FYCO1: variants seen among roughly 807,000 people sequenced by gnomAD.
FYCO1 encodes FYVE and coiled-coil domain-containing protein 1.
Under a neutral mutation model 165.1 loss-of-function variants are expected in FYCO1, and 122 were observed. That is an observed-to-expected ratio of 0.74 (90% confidence interval 0.64 to 0.86). FYCO1 has a LOEUF of 0.86. Among genes scored for constraint, FYCO1 ranks in the 40% least tolerant of loss-of-function variants. The pLI, the probability that FYCO1 is intolerant of heterozygous loss-of-function variation, is 0.00. For missense variants in FYCO1, 1,702 were observed against 1,810.3 expected, an observed-to-expected ratio of 0.94 and a Z score of 1.09; for synonymous variants, 648 against 742.5, an observed-to-expected ratio of 0.87 and a Z score of 2.07.
chr3:45,926,875 A>C (rs1409224012), intron 16 of FYCO1, among the ~76,000 whole-genome samples: 1 of 152,060 alleles, frequency 6.6e-6, no homozygotes, highest in Non-Finnish European at 1.5e-5. Flanking sequence ...GAGGCAGGAG[A>C]ATCGCTTGAA....
chr3:45,974,362 G>A (rs1285999493), intron 5 of FYCO1, among the ~76,000 whole-genome samples: 1 of 152,174 alleles, frequency 6.6e-6, no homozygotes, highest in East Asian at 1.9e-4. Flanking sequence ...AAAAAAGTGG[G>A]ACATTATTGT....
rs746641696 is a variant in FYCO1, at chr3:45,975,354, A to C, written c.289-9T>G. 1 of 1,605,120 alleles carries C rather than the reference A, an allele frequency of 6.2e-7. No individual in the cohort carries two copies. The highest frequency in any genetic ancestry group is 8.5e-7 in the Non-Finnish European group (1 of 1,171,802). On this transcript the variant is annotated splice_polypyrimidine_tract_variant and intron_variant, in intron 4 of 17. Transcript: ENST00000296137. Reference sequence around the variant, plus strand: ...CCCAAGGATGTTCGGAGCTGGAAAAAGCAGATTACATAGAGCCAAAGAGCT... The same window carrying C: ...CCCAAGGATGTTCGGAGCTGGAAAACGCAGATTACATAGAGCCAAAGAGCT...
In FYCO1 at chr3:45,967,845, G is replaced by T; in HGVS notation, c.1489C>A (p.Gln497Lys). Residue 497 changes from glutamine (Q) to lysine (K), a missense_variant, in exon 8 of 18, where the codon CAA becomes AAA. Physicochemically the swap from Gln to Lys is moderately conservative, Grantham distance 53. Transcript: ENST00000296137. The stretch of plus-strand genomic sequence containing the variant: ...TCCAGCAGCTCCTTCTCCTCCTGTT[G>T]CTGTTTTTTCTCCCGCCTCAACTCT... ...LAELRREKKQ[Q>K]QEEKELLEQE... The T allele has an allele frequency of 6.2e-7, 1 of 1,614,040 alleles. No individual in the cohort carries two copies. The highest frequency in any genetic ancestry group is 8.5e-7 in the Non-Finnish European group (1 of 1,180,024).
chr3:45,921,243 C>A lies in FYCO1; in HGVS notation c.*522G>T. On this transcript the variant is annotated 3_prime_UTR_variant, in exon 18 of 18. Coordinates refer to ENST00000296137, the MANE Select transcript of FYCO1 (RefSeq NM_024513.4). The stretch of plus-strand genomic sequence containing the variant: ...GCTGGTCAGGATCTCCGGGGGGTCC[C>A]CTGGCACCGACTCGCATGATGGCTG... The A allele has an allele frequency of 4.9e-6, 1 of 202,464 alleles. No individual in the cohort carries two copies. Among genetic ancestry groups the A allele is most frequent in the Non-Finnish European group, 1.0e-5 (1 of 98,230 alleles). The allele number at this position is 202,464 out of a possible 1,614,324, so 12.5% of individuals were successfully genotyped here. A position where few individuals can be genotyped will look rare whatever the true frequency, so the allele number is the denominator to read the frequency against.
At chr3:45,986,500 A>G (rs1436794871) in intron 1 of FYCO1, among the ~76,000 whole-genome samples, 1 of 152,218 alleles carries the variant, frequency 6.6e-6, no homozygotes, top group Non-Finnish European at 1.5e-5. Context: ...GGGCAGAGAT[A>G]ACTAGAGCCT....
Position 45,955,391 on chromosome 3 carries a change from C to T in FYCO1, c.3802G>A (p.Ala1268Thr), listed in dbSNP as rs1575356999. 4.3e-6 allele frequency: 7 copies of T among 1,614,168 alleles called. No individual in the cohort carries two copies. Among genetic ancestry groups the T allele is most frequent in the East Asian group, 2.2e-5 (1 of 44,882 alleles). The change falls in exon 14 of 18, where the codon GCA (alanine) becomes ACA (threonine). Residue 1268 changes from alanine to threonine, a missense_variant and splice_region_variant. Physicochemically the swap from Ala to Thr is moderately conservative, Grantham distance 58. Transcript: ENST00000296137. ...TCCGGTGGCCTGTAGTCTGTATTTGCTCCTGGGCAGCAGAGGCAGATCAGG... is the reference window on the plus strand; with the variant it reads ...TCCGGTGGCCTGTAGTCTGTATTTGTTCCTGGGCAGCAGAGGCAGATCAGG... ...PGPQATGGQG[A>T]NTDYRPPDDA...
chr3:45,979,191 T>C, intron 4 of FYCO1, among the ~76,000 whole-genome samples: 1 of 152,200 alleles, frequency 6.6e-6, no homozygotes, highest in South Asian at 2.1e-4. Context: ...AGCAAAGCCA[T>C]GGCATTTTGC....
intron 7 of FYCO1, 27 bp from the exon 8 acceptor site, chr3:45,968,730 T>G (rs779716651): frequency 1.2e-6 from 2 of 1,613,942 alleles, no homozygotes; most frequent in African/African-American, 2.7e-5. Flanking sequence ...AAAAGACAAG[T>G]GGCTTTAGGA....
intron 13 of FYCO1, among the ~76,000 whole-genome samples, chr3:45,957,892 C>G (rs1705437669): frequency 6.6e-6 from 1 of 152,256 alleles, no homozygotes; most frequent in Admixed American, 6.5e-5. Flanking sequence ...CCCGGAAGGG[C>G]AGCCCAGGCC....
At chr3:45,938,983 C>G (rs1247828391) in intron 14 of FYCO1, among the ~76,000 whole-genome samples, 1 of 152,212 alleles carries the variant, frequency 6.6e-6, no homozygotes, top group African/African-American at 2.4e-5. Context: ...ACTACAGCTG[C>G]TTCCTTTCCT....
At chr3:45,931,331 T>C (rs1703615494) in intron 15 of FYCO1, 50 bp from the exon 16 acceptor site, 3 of 1,560,686 alleles carry the variant, frequency 1.9e-6, no homozygotes, top group Non-Finnish European at 1.8e-6. Context: ...AAAGTGTTTG[T>C]GTCCACTGGC....
chr3:45,937,141 G>C (rs150032603), intron 14 of FYCO1, among the ~76,000 whole-genome samples: 1 of 152,302 alleles, frequency 6.6e-6, no homozygotes, highest in African/African-American at 2.4e-5. Context: ...TCCCTGTGGG[G>C]TTCCAGGTCC....
At chr3:45,950,238 G>T (rs1704921567) in intron 14 of FYCO1, among the ~76,000 whole-genome samples, 1 of 151,644 alleles carries the variant, frequency 6.6e-6, no homozygotes, top group African/African-American at 2.4e-5. Context: ...CCTTGGTGTG[G>T]CCTCAGGGTT....
intron 17 of FYCO1, among the ~76,000 whole-genome samples, chr3:45,922,897 T>C (rs11707672): frequency 0.083 from 12,573 of 152,254 alleles, 713 homozygotes; most frequent in Non-Finnish European, 0.12. Flanking sequence ...GGCAGTTCTC[T>C]CTAAAGAGCT....
At chr3:45,938,136 C>T in intron 14 of FYCO1, 2 of 1,013,112 alleles carry the variant, frequency 2.0e-6, no homozygotes, top group Non-Finnish European at 2.7e-6. Flanking sequence ...TCTATAATTT[C>T]CTCTCTTCCT....
chr3:45,990,663 T>C (rs1350317692), intron 1 of FYCO1, among the ~76,000 whole-genome samples: 1 of 152,224 alleles, frequency 6.6e-6, no homozygotes, highest in East Asian at 1.9e-4. Flanking sequence ...AATGAATGAA[T>C]GAATTAGACA....
rs1706308915 is a variant in FYCO1, at chr3:45,969,682, T to TAGCTGCTCACCA, written c.611_622dup (p.Leu204_Ser207dup). The TAGCTGCTCACCA allele has an allele frequency of 6.2e-7, 1 of 1,613,240 alleles. No homozygotes were observed. ...CAGCCTTCCTGGCCTTACCTGCAGG[T>TAGCTGCTCACCA]AGCTGCTCACCAAGCTGCTCATGCT... On this transcript the variant is annotated inframe_insertion, in exon 7 of 18. Coordinates refer to ENST00000296137, the MANE Select transcript of FYCO1 (RefSeq NM_024513.4).
chr3:45,987,563 A>G (rs1455322282), intron 1 of FYCO1, among the ~76,000 whole-genome samples: 2 of 152,224 alleles, frequency 1.3e-5, no homozygotes, highest in African/African-American at 4.8e-5. Context: ...ACACAAGAGT[A>G]AAGGCTGTTT....
Position 45,918,074 on chromosome 3 carries a change from T to C in FYCO1, c.*3691A>G, listed in dbSNP as rs1322082910. 6.6e-6 allele frequency: 1 copy of C among 152,598 alleles called. No individual in the cohort carries two copies. Among genetic ancestry groups the C allele is most frequent in the Admixed American group, 6.5e-5 (1 of 15,288 alleles). 9.5% of individuals were successfully genotyped at this position (152,598 alleles called of 1,614,324 possible). A position where few individuals can be genotyped will look rare whatever the true frequency, so the allele number is the denominator to read the frequency against. On this transcript the variant is annotated 3_prime_UTR_variant, in exon 18 of 18. Transcript: ENST00000296137. ...TGCTTCTAGATAATTCTTTGGCAGA[T>C]AAGAATGAATTGGGGTCCCAGACCC...
Sources: gnomAD v4.1 joint callset for allele counts (sites outside exome capture counted in the v4.1 genomes callset) on GRCh38, gnomAD v4.1.1 for gene constraint, MANE v1.5 for transcripts, NCBI Gene and HGNC (gene_info 2026-07-23, HGNC 2026-07-21) for gene names.